ZC3H11A: variants seen among roughly 807,000 people sequenced by gnomAD.
The protein encoded by ZC3H11A is zinc finger CCCH-type containing 11A.
ZC3H11A carries 22 observed loss-of-function variants against 90.8 expected under a neutral mutation model. The ratio of observed to expected loss-of-function variants is 0.24; its 90% CI spans 0.17 to 0.35. The LOEUF is 0.35. ZC3H11A is among the 10% of genes least tolerant of loss of function. The pLI is 1.00. For missense variants in ZC3H11A, 701 were observed against 964.9 expected, an observed-to-expected ratio of 0.73 and a Z score of 3.62; for synonymous variants, 294 against 339.8, an observed-to-expected ratio of 0.87 and a Z score of 1.48.
At chr1:203,800,878 T>C (rs936789462) in intron 1 of ZC3H11A, 1 of 153,522 alleles carries the variant, frequency 6.5e-6, no homozygotes, top group Admixed American at 6.5e-5. Flanking sequence ...CCCCTGTTTT[T>C]CTGTTTCCTT....
intron 11 of ZC3H11A, among the ~76,000 whole-genome samples, chr1:203,838,389 G>T (rs1246780408): frequency 6.6e-6 from 1 of 152,212 alleles, no homozygotes; most frequent in Non-Finnish European, 1.5e-5. Context: ...CCATCTGTTA[G>T]GGGAAGGTTC....
At chr1:203,851,034 T>C in intron 16 of ZC3H11A, 23 bp from the exon 17 acceptor site, 2 of 1,613,154 alleles carry the variant, frequency 1.2e-6, no homozygotes, top group Non-Finnish European at 1.7e-6. Context: ...TCTCACTGAA[T>C]TACCTGACTC....
Position 203,854,047 on chromosome 1 carries a change from C to T in ZC3H11A, c.*1648C>T, listed in dbSNP as rs147304730. The T allele has an allele frequency of 1.6e-4, 24 of 152,460 alleles. No individual in the cohort carries two copies. Among genetic ancestry groups the T allele is most frequent in the African/African-American group, 4.8e-4 (20 of 41,440 alleles). 9.4% of individuals were successfully genotyped at this position (152,460 alleles called of 1,614,324 possible). A position where few individuals can be genotyped will look rare whatever the true frequency, so the allele number is the denominator to read the frequency against. ...TTGTATTAGTCAATGTTTCGTGTTC[C>T]GCATTATTTGAACCATTTGCCCTTA... is the stretch of plus-strand genomic sequence containing the variant. On this transcript the variant is annotated 3_prime_UTR_variant, in exon 18 of 18. Coordinates refer to ENST00000367210, the MANE Select transcript of ZC3H11A (RefSeq NM_001376342.1).
At chr1:203,824,004 C>T (rs1208077247) in intron 4 of ZC3H11A, among the ~76,000 whole-genome samples, 1 of 152,178 alleles carries the variant, frequency 6.6e-6, no homozygotes, top group African/African-American at 2.4e-5. Flanking sequence ...CGCCGTGGCT[C>T]ATGCCTGTAA....
At chr1:203,849,094 A>T (rs570466495) in intron 14 of ZC3H11A, among the ~76,000 whole-genome samples, 78 of 152,336 alleles carry the variant, frequency 5.1e-4, no homozygotes, top group East Asian at 9.6e-4. Context: ...CATGTTGTCC[A>T]GAGTGGTCTC....
chr1:203,832,205 T>A (rs973741483), intron 9 of ZC3H11A, among the ~76,000 whole-genome samples: 1 of 152,088 alleles, frequency 6.6e-6, no homozygotes, highest in African/African-American at 2.4e-5. Flanking sequence ...ATTATAGGCA[T>A]GTGCCACCAA....
chr1:203,822,554 G>A (rs1679136338), intron 4 of ZC3H11A, among the ~76,000 whole-genome samples: 1 of 151,994 alleles, frequency 6.6e-6, no homozygotes, highest in Non-Finnish European at 1.5e-5. Flanking sequence ...TCTGTACCAG[G>A]TTCCCTTGGG....
intron 2 of ZC3H11A, chr1:203,805,740 T>C (rs888322610): frequency 3.0e-6 from 2 of 669,130 alleles, no homozygotes; most frequent in Non-Finnish European, 5.7e-6. Flanking sequence ...AATAGAACTC[T>C]TGGTCAGCCA....
chr1:203,801,809 T>G lies in ZC3H11A; in HGVS notation c.-1353T>G, dbSNP rs1395947936. The G allele has an allele frequency of 1.1e-5, 1 of 94,488 alleles. No homozygotes were observed. The allele number at this position is 94,488 out of a possible 1,614,324, so 5.9% of individuals were successfully genotyped here. On this transcript the variant is annotated 5_prime_UTR_variant, in exon 2 of 18. Coordinates refer to ENST00000367210, the MANE Select transcript of ZC3H11A (RefSeq NM_001376342.1). The stretch of plus-strand genomic sequence containing the variant: ...CTATGTATCAAAATCGGGTTTTTTT[T>G]GGTTTTGATTTTTTTTTTTTTTAAA...
At chr1:203,837,355 T>G (rs957027023) in intron 10 of ZC3H11A, among the ~76,000 whole-genome samples, 6 of 152,010 alleles carry the variant, frequency 3.9e-5, no homozygotes, top group Admixed American at 2.6e-4. Context: ...TGAACTTTAA[T>G]CTCAACCAGG....
chr1:203,829,400 G>A, intron 5 of ZC3H11A, 51 bp from the exon 6 acceptor site: 4 of 1,600,992 alleles, frequency 2.5e-6, no homozygotes, highest in Non-Finnish European at 2.6e-6. Context: ...TTTTTGGTAA[G>A]TTGGGGTTGT....
chr1:203,824,931 G>T (rs1679993887), intron 4 of ZC3H11A, among the ~76,000 whole-genome samples: 1 of 152,008 alleles, frequency 6.6e-6, no homozygotes, highest in African/African-American at 2.4e-5. Flanking sequence ...AAAAAAATTA[G>T]CCGGGCATGG....
At chr1:203,796,781 C>A (rs1668655965) in intron 1 of ZC3H11A, 1 of 243,532 alleles carries the variant, frequency 4.1e-6, no homozygotes, top group African/African-American at 2.2e-5. Context: ...ACTCTTAATA[C>A]AAACAGTACT....
chr1:203,848,151 C>T (rs1314848068), intron 13 of ZC3H11A, among the ~76,000 whole-genome samples, 180 bp from the exon 14 acceptor site: 2 of 152,174 alleles, frequency 1.3e-5, no homozygotes, highest in Non-Finnish European at 2.9e-5. Flanking sequence ...AGCCACCATG[C>T]CCGGCCAACC....
chr1:203,805,592 T>C (rs1387805968), intron 2 of ZC3H11A: 1 of 629,392 alleles, frequency 1.6e-6, no homozygotes, highest in Non-Finnish European at 3.1e-6. Context: ...CATAATATGT[T>C]TTACATGATG....
rs149167258 is a variant in ZC3H11A, at chr1:203,797,534, T to C, written c.-1588+1740T>C. ...GAGACATAAAGAGAATGAGTGTATG[T>C]ACTCTAAGTGTACCAGTTTCTTCAC... is the stretch of plus-strand genomic sequence containing the variant. On this transcript the variant is annotated intron_variant, in intron 1 of 17. Transcript: ENST00000367210. 4.7e-4 allele frequency: 706 copies of C among 1,515,066 alleles called. 3 individuals are homozygous for C. In the African/African-American group the frequency reaches 8.6e-3, roughly 19 times the overall value. 93.9% of individuals were successfully genotyped at this position (1,515,066 alleles called of 1,614,324 possible).
chr1:203,798,800 C>G lies in ZC3H11A; in HGVS notation c.-1587-2775C>G, dbSNP rs190516745. On this transcript the variant is annotated intron_variant, in intron 1 of 17. Coordinates refer to ENST00000367210, the MANE Select transcript of ZC3H11A (RefSeq NM_001376342.1). ...TTGTGGAGGATATGCATCCTTACAACTATTTCTCAACCCCAGCCTTTCAGA... is the reference window on the plus strand; with the variant it reads ...TTGTGGAGGATATGCATCCTTACAAGTATTTCTCAACCCCAGCCTTTCAGA... 4.6e-6 allele frequency: 7 copies of G among 1,536,158 alleles called. No individual in the cohort carries two copies. The Admixed American group carries it at 9.8e-5, about 22-fold the overall frequency.
At chr1:203,844,160 T>TTTTTTA (rs1414169766) in intron 12 of ZC3H11A, among the ~76,000 whole-genome samples, 1 of 151,824 alleles carries the variant, frequency 6.6e-6, no homozygotes, top group African/African-American at 2.4e-5. Context: ...CCCGCCTTTA[T>TTTTTTA]TTTTTATTTT....
intron 1 of ZC3H11A, chr1:203,799,986 G>A (rs1204469414): frequency 6.5e-7 from 1 of 1,536,020 alleles, no homozygotes; most frequent in Non-Finnish European, 8.7e-7. Flanking sequence ...TTGTCCCTCA[G>A]TTACAGTGGG....
Sources: allele counts gnomAD v4.1 joint callset (sites outside exome capture counted in the v4.1 genomes callset), GRCh38; gene constraint gnomAD v4.1.1; transcripts MANE v1.5; gene names NCBI Gene and HGNC (gene_info 2026-07-23, HGNC 2026-07-21).